Variants in ABLIM1 observed in about 807,000 individuals in gnomAD.
The protein encoded by ABLIM1 is actin binding LIM protein 1, also known as actin-binding LIM protein 1.
ABLIM1 carries 40 observed loss-of-function variants against 107.0 expected under a neutral mutation model. That is an observed-to-expected ratio of 0.37 (90% confidence interval 0.29 to 0.49). The LOEUF (loss-of-function observed/expected upper bound fraction) is 0.49. Ranked by LOEUF, ABLIM1 falls within the 20% of genes least tolerant of loss-of-function variation. The probability of loss-of-function intolerance (pLI) is 0.97; values close to 1 mark genes in which losing one functional copy is unlikely to be tolerated. For missense variants in ABLIM1, 857 were observed against 1,008.5 expected, an observed-to-expected ratio of 0.85 and a Z score of 2.04; for synonymous variants, 357 against 357.3, an observed-to-expected ratio of 1.00 and a Z score of 0.01.
Position 114,447,905 on chromosome 10 carries a change from A to T in ABLIM1, c.1710T>A (p.Pro570=). The change falls in exon 15 of 23, where the codon CCT becomes CCA. Residue 570 remains proline (P), a synonymous_variant. Coordinates refer to ENST00000533213, the MANE Select transcript of ABLIM1 (RefSeq NM_002313.7). The part of the protein sequence containing the change: ...ETPKIETDHW[P]GPPSFAVVGP... ...CTACGACAGCAAATGAGGGGGGACC[A>T]GGCCAGTGGTCCGTCTCAATCTTTG... is the stretch of plus-strand genomic sequence containing the variant. 1 of 1,614,124 alleles carries T rather than the reference A, an allele frequency of 6.2e-7. No individual in the cohort carries two copies. The highest frequency in any genetic ancestry group is 8.5e-7 in the Non-Finnish European group (1 of 1,180,004).
At chr10:114,774,388 T>G in the ABLIM1 span, among the ~76,000 whole-genome samples, 1 of 152,072 alleles carries the variant, frequency 6.6e-6, no homozygotes, top group Non-Finnish European at 1.5e-5. Context: ...AGCTCAGTGG[T>G]CTCACTGAGT....
At chr10:114,579,189 TAACAACA>T in intron 2 of ABLIM1, among the ~76,000 whole-genome samples, 1 of 152,092 alleles carries the variant, frequency 6.6e-6, no homozygotes, top group Non-Finnish European at 1.5e-5. Context: ...CAATTTTTTT[TAACAACA>T]TTTGTATTGG....
chr10:114,566,818 G>A (rs189093638), intron 4 of ABLIM1, among the ~76,000 whole-genome samples: 472 of 152,334 alleles, frequency 3.1e-3, no homozygotes, highest in Non-Finnish European at 3.5e-3. Context: ...GGAGGCTGAC[G>A]CGGGCAGATC....
chr10:114,766,542 A>C (rs2082898447), intron 1 of ABLIM1, among the ~76,000 whole-genome samples: 1 of 152,186 alleles, frequency 6.6e-6, no homozygotes, highest in South Asian at 2.1e-4. Context: ...AGACTAAATG[A>C]AATTGTGTGA....
intron 1 of ABLIM1, among the ~76,000 whole-genome samples, chr10:114,666,626 C>T (rs2080036159): frequency 6.6e-6 from 1 of 151,626 alleles, no homozygotes; most frequent in African/African-American, 2.4e-5. Context: ...CAGGTGGGTT[C>T]TTATTGAAGC....
intron 1 of ABLIM1, among the ~76,000 whole-genome samples, chr10:114,641,200 T>A: frequency 6.8e-6 from 1 of 146,582 alleles, no homozygotes. Flanking sequence ...GATATTTTGT[T>A]ATATGACCTC....
intron 6 of ABLIM1, among the ~76,000 whole-genome samples, chr10:114,500,593 T>C (rs1463908204): frequency 6.8e-6 from 1 of 146,204 alleles, no homozygotes; most frequent in African/African-American, 2.6e-5. Context: ...GGTGGGAGGA[T>C]CACTTGAGCC....
intron 2 of ABLIM1, among the ~76,000 whole-genome samples, chr10:114,592,680 T>C (rs1323973895): frequency 6.6e-6 from 1 of 152,144 alleles, no homozygotes; most frequent in Non-Finnish European, 1.5e-5. Context: ...TGCTTATCTT[T>C]GGGATAATGA....
At chr10:114,711,223 T>C (rs972834242) in intron 1 of ABLIM1, among the ~76,000 whole-genome samples, 5 of 152,198 alleles carry the variant, frequency 3.3e-5, no homozygotes, top group Non-Finnish European at 2.9e-5. Context: ...CCATTAGAAA[T>C]TGTGTTTCAC....
At chr10:114,556,185 CTT>C (rs1368066311) in intron 4 of ABLIM1, among the ~76,000 whole-genome samples, 2 of 152,126 alleles carry the variant, frequency 1.3e-5, no homozygotes, top group Non-Finnish European at 2.9e-5. Context: ...ATTTCCCAAT[CTT>C]GTGTAATAAA....
chr10:114,550,377 AG>A (rs1448600018), intron 4 of ABLIM1, among the ~76,000 whole-genome samples: 1 of 58,208 alleles, frequency 1.7e-5, no homozygotes, highest in African/African-American at 1.7e-4. Flanking sequence ...GAAAACTGAT[AG>A]TTTTTTTTAA....
chr10:114,777,265 T>C, the ABLIM1 span, among the ~76,000 whole-genome samples: 7 of 141,824 alleles, frequency 4.9e-5, no homozygotes, highest in East Asian at 1.2e-3. Flanking sequence ...ATTTCTAAAA[T>C]GTGTTTTTGA....
rs190244083 is a variant in ABLIM1 at position 114,508,188 on chromosome 10, T to C, written c.895-16310A>G. On this transcript the variant is annotated intron_variant, in intron 6 of 22. Coordinates refer to ENST00000533213, the MANE Select transcript of ABLIM1 (RefSeq NM_002313.7). ...CTGAGTGGGACAAACGTATCACAAA[T>C]TTACCCTGTTTAGGAGATGGCCCCA... 3.7e-3 allele frequency among the ~76,000 whole-genome samples: 566 copies of C among 152,242 alleles called. 4 individuals are homozygous for C. The highest frequency in any genetic ancestry group is 0.017 in the Middle Eastern group (5 of 294).
At chr10:114,769,402 GAAAGAAAGAAAGAAAAGAAGGAAAGAAA>G (rs1566323804), upstream of ABLIM1, among the ~76,000 whole-genome samples, 6 of 83,846 alleles carry the variant, frequency 7.2e-5, no homozygotes, top group Admixed American at 3.0e-4. Context: ...AGAAAGAAAA[GAAAGAAAGAAAGAAAAGAAGGAAAGAAA>G]GAAAGAAAGA....
chr10:114,717,971 GGAAA>G (rs1439007701), intron 1 of ABLIM1, among the ~76,000 whole-genome samples: 5 of 126,272 alleles, frequency 4.0e-5, no homozygotes, highest in Non-Finnish European at 8.2e-5. Context: ...GAGAAAGAAG[GGAAA>G]GAGAAAGAAA....
chr10:114,595,531 G>A (rs921020218), intron 2 of ABLIM1, among the ~76,000 whole-genome samples: 2 of 152,178 alleles, frequency 1.3e-5, no homozygotes, highest in Admixed American at 6.5e-5. Flanking sequence ...ACTCCTTTAA[G>A]TTAGTGGGAT....
chr10:114,622,216 C>T (rs1396817047), intron 1 of ABLIM1, among the ~76,000 whole-genome samples: 1 of 152,004 alleles, frequency 6.6e-6, no homozygotes, highest in Non-Finnish European at 1.5e-5. Context: ...AACAACCTTG[C>T]CACCTTTTCC....
At chr10:114,530,138 T>A (rs2065294854) in intron 6 of ABLIM1, among the ~76,000 whole-genome samples, 1 of 152,222 alleles carries the variant, frequency 6.6e-6, no homozygotes, top group African/African-American at 2.4e-5. Context: ...TCTGTAAATT[T>A]ACTAAAGGTC....
intron 1 of ABLIM1, among the ~76,000 whole-genome samples, chr10:114,760,404 TCACACACACACACA>T (rs3981296): frequency 0.36 from 51,837 of 143,530 alleles, 9,874 homozygotes; most frequent in Non-Finnish European, 0.43. Flanking sequence ...AATTTCTCCT[TCACACACACACACA>T]CACACACACA....
Sources: gnomAD v4.1 joint callset for allele counts (sites outside exome capture counted in the v4.1 genomes callset) on GRCh38, gnomAD v4.1.1 for gene constraint, MANE v1.5 for transcripts, NCBI Gene and HGNC (gene_info 2026-07-23, HGNC 2026-07-21) for gene names.